The following SOX6 variants were observed in gnomAD, a reference collection of about 807,000 sequenced individuals.
The protein encoded by SOX6 is SRY-box transcription factor 6.
Under a neutral mutation model 97.8 loss-of-function variants are expected in SOX6, and 11 were observed. The observed-to-expected ratio is 0.11, with a 90% CI of 0.07 to 0.19. The LOEUF (loss-of-function observed/expected upper bound fraction) is 0.19. Ranked by LOEUF, SOX6 falls within the 10% of genes least tolerant of loss-of-function variation. SOX6 has a pLI of 1.00. For synonymous variants in SOX6, 360 were observed against 371.4 expected, an observed-to-expected ratio of 0.97 and a Z score of 0.35; for missense variants, 810 against 1,039.5, an observed-to-expected ratio of 0.78 and a Z score of 3.04.
chr11:16,685,788 CCCA>C (rs1355910104), intron 3 of SOX6, among the ~76,000 whole-genome samples: 6 of 152,254 alleles, frequency 3.9e-5, no homozygotes, highest in Non-Finnish European at 5.9e-5. Flanking sequence ...GGGTTCTATC[CCCA>C]CATTTCTCCT....
intron 4 of SOX6, among the ~76,000 whole-genome samples, chr11:16,231,844 T>G: frequency 6.6e-6 from 1 of 151,910 alleles, no homozygotes; most frequent in Non-Finnish European, 1.5e-5. Context: ...GGAAAATTCA[T>G]AATATATCAT....
chr11:16,686,484 C>T (rs1254612249), intron 3 of SOX6, among the ~76,000 whole-genome samples: 3 of 152,218 alleles, frequency 2.0e-5, no homozygotes, highest in Admixed American at 6.5e-5. Flanking sequence ...GGACACAATA[C>T]ACAATACAGC....
intron 3 of SOX6, among the ~76,000 whole-genome samples, chr11:16,714,014 G>T (rs1286837331): frequency 6.6e-6 from 1 of 152,096 alleles, no homozygotes; most frequent in African/African-American, 2.4e-5. Context: ...CCTCCATCAT[G>T]AACCACTTAG....
At chr11:16,733,797 C>A (rs1241170802) in intron 2 of SOX6, among the ~76,000 whole-genome samples, 1 of 149,814 alleles carries the variant, frequency 6.7e-6, no homozygotes, top group African/African-American at 2.5e-5. Context: ...GAGGCCGAGG[C>A]GGGTGGATCA....
intron 3 of SOX6, among the ~76,000 whole-genome samples, chr11:16,670,953 G>A (rs1201582712): frequency 6.6e-6 from 1 of 151,884 alleles, no homozygotes; most frequent in Non-Finnish European, 1.5e-5. Flanking sequence ...AAAGTCACAT[G>A]ACTAAGCAAG....
chr11:16,497,434 G>T (rs1860620226), intron 4 of SOX6, among the ~76,000 whole-genome samples: 1 of 152,128 alleles, frequency 6.6e-6, no homozygotes, highest in Non-Finnish European at 1.5e-5. Context: ...AGGAATGCAG[G>T]TCCTCACCAG....
At chr11:16,342,322 T>G (rs1346118924) in intron 1 of SOX6, among the ~76,000 whole-genome samples, 1 of 152,018 alleles carries the variant, frequency 6.6e-6, no homozygotes, top group African/African-American at 2.4e-5. Context: ...TCTAAAACTT[T>G]ACATTGTTTT....
intron 6 of SOX6, among the ~76,000 whole-genome samples, chr11:16,155,391 G>A (rs896812535): frequency 6.6e-6 from 1 of 152,094 alleles, no homozygotes; most frequent in Non-Finnish European, 1.5e-5. Context: ...ACCTCAATGG[G>A]CTATTGTAAG....
At chr11:16,670,519 A>T (rs1415104512) in intron 3 of SOX6, among the ~76,000 whole-genome samples, 2 of 152,134 alleles carry the variant, frequency 1.3e-5, no homozygotes, top group Non-Finnish European at 2.9e-5. Context: ...TTAACGAAGG[A>T]GCAAAGACCC....
intron 4 of SOX6, among the ~76,000 whole-genome samples, chr11:16,522,001 T>G (rs1204317741): frequency 6.6e-6 from 1 of 152,164 alleles, no homozygotes; most frequent in Non-Finnish European, 1.5e-5. Context: ...AATCTACGTC[T>G]GATTCGTGTA....
intron 4 of SOX6, among the ~76,000 whole-genome samples, chr11:16,603,396 T>C (rs757231659): frequency 6.6e-6 from 1 of 152,084 alleles, no homozygotes; most frequent in Admixed American, 6.5e-5. Context: ...CAGAGTAAGA[T>C]AGGGAAAGAC....
intron 3 of SOX6, among the ~76,000 whole-genome samples, chr11:16,627,636 AG>A (rs781717206): frequency 6.6e-6 from 1 of 152,036 alleles, no homozygotes; most frequent in Non-Finnish European, 1.5e-5. Context: ...CCCATTTTTA[AG>A]GGGGTTATTT....
At chr11:16,388,839 T>C (rs1301796203) in intron 1 of SOX6, among the ~76,000 whole-genome samples, 1 of 152,170 alleles carries the variant, frequency 6.6e-6, no homozygotes, top group Non-Finnish European at 1.5e-5. Flanking sequence ...GGTGCCTAGA[T>C]GTACTTTTCT....
At chr11:16,346,143 C>T (rs1005438072) in intron 1 of SOX6, among the ~76,000 whole-genome samples, 7 of 67,030 alleles carry the variant, frequency 1.0e-4, no homozygotes, top group Non-Finnish European at 2.4e-4. Context: ...CCCCAGGCTA[C>T]CAAGGTAGAC....
chr11:16,489,793 A>T (rs1860482273), intron 4 of SOX6, among the ~76,000 whole-genome samples: 1 of 152,072 alleles, frequency 6.6e-6, no homozygotes, highest in Admixed American at 6.6e-5. Flanking sequence ...CCATTACTTC[A>T]CACTCTACCA....
chr11:16,139,920 T>A (rs1850083117), intron 6 of SOX6, among the ~76,000 whole-genome samples: 1 of 148,654 alleles, frequency 6.7e-6, no homozygotes, highest in African/African-American at 2.5e-5. Context: ...TTTGTAACTC[T>A]TTTCTAAAAG....
intron 1 of SOX6, among the ~76,000 whole-genome samples, chr11:16,455,726 T>C (rs1019398011): frequency 6.6e-6 from 1 of 152,068 alleles, no homozygotes; most frequent in Non-Finnish European, 1.5e-5. Flanking sequence ...TGTCATTCCA[T>C]TGGCATTTTA....
At chr11:16,725,349 C>T (rs920677492) in intron 2 of SOX6, among the ~76,000 whole-genome samples, 3 of 152,074 alleles carry the variant, frequency 2.0e-5, no homozygotes, top group African/African-American at 7.2e-5. Context: ...CATGGTGAAA[C>T]CTTTCCTCTA....
At chr11:16,334,755 T>G (rs895613993) in intron 2 of SOX6, among the ~76,000 whole-genome samples, 1 of 152,062 alleles carries the variant, frequency 6.6e-6, no homozygotes, top group South Asian at 2.1e-4. Flanking sequence ...ATGAAGATTT[T>G]AATAATATGC....
Sources: allele counts gnomAD v4.1 joint callset (sites outside exome capture counted in the v4.1 genomes callset), GRCh38; gene constraint gnomAD v4.1.1; transcripts MANE v1.5; gene names NCBI Gene and HGNC (gene_info 2026-07-23, HGNC 2026-07-21).